The following ARB2A variants were observed in gnomAD, a reference collection of about 807,000 sequenced individuals.
ARB2A encodes cotranscriptional regulator ARB2A.
At chr5:93,816,982 A>G in the ARB2A span, among the ~76,000 whole-genome samples, 8 of 152,172 alleles carry the variant, frequency 5.3e-5, no homozygotes, top group African/African-American at 1.7e-4. Context: ...AAATATATAA[A>G]TTAATTAGAT....
chr5:93,667,567 A>G, the ARB2A span, among the ~76,000 whole-genome samples: 1 of 152,114 alleles, frequency 6.6e-6, no homozygotes, highest in Non-Finnish European at 1.5e-5. Flanking sequence ...GTGATCCTCC[A>G]GTCTCAGCCT....
chr5:94,038,352 AAAAT>A, the ARB2A span, among the ~76,000 whole-genome samples: 1 of 152,072 alleles, frequency 6.6e-6, no homozygotes, highest in South Asian at 2.1e-4. Context: ...CTAAAGTACT[AAAAT>A]GGTACTTTGA....
At chr5:94,106,270 C>T in the ARB2A span, among the ~76,000 whole-genome samples, 1 of 151,856 alleles carries the variant, frequency 6.6e-6, no homozygotes, top group African/African-American at 2.4e-5. Flanking sequence ...CTATAAGGAA[C>T]TTAAACAAAT....
At chr5:94,037,332 AAATTCTGGGCC>A in the ARB2A span, among the ~76,000 whole-genome samples, 1 of 152,200 alleles carries the variant, frequency 6.6e-6, no homozygotes, top group Non-Finnish European at 1.5e-5. Flanking sequence ...GTCTGCTAAC[AAATTCTGGGCC>A]AATGGTCATT....
chr5:93,962,430 C>A, the ARB2A span, among the ~76,000 whole-genome samples: 5 of 152,066 alleles, frequency 3.3e-5, no homozygotes, highest in Admixed American at 6.6e-5. Flanking sequence ...TAGGCATGAT[C>A]ATAATGTTTA....
At chr5:93,736,439 G>C in the ARB2A span, 2 of 152,214 alleles carry the variant, frequency 1.3e-5, no homozygotes, top group Non-Finnish European at 2.9e-5. Flanking sequence ...CCTGAAAGCT[G>C]AGCTACATCT....
At chr5:93,684,531 A>G in the ARB2A span, among the ~76,000 whole-genome samples, 1 of 152,228 alleles carries the variant, frequency 6.6e-6, no homozygotes, top group Non-Finnish European at 1.5e-5. Context: ...AGAGAAATGA[A>G]TCAATGAAGT....
chr5:93,847,465 A>G, the ARB2A span, among the ~76,000 whole-genome samples: 1 of 152,206 alleles, frequency 6.6e-6, no homozygotes, highest in Admixed American at 6.5e-5. Context: ...TGTATAGCAA[A>G]CATATCCTAG....
the ARB2A span, chr5:93,740,706 T>C: frequency 6.2e-7 from 1 of 1,613,572 alleles, no homozygotes; most frequent in Non-Finnish European, 8.5e-7. Context: ...CTGGTGCTCC[T>C]GGGCAAGGAG....
chr5:93,941,787 G>C, the ARB2A span, among the ~76,000 whole-genome samples: 1 of 152,124 alleles, frequency 6.6e-6, no homozygotes, highest in African/African-American at 2.4e-5. Context: ...ACCAGGTGCA[G>C]ACACAGGTAG....
chr5:93,857,520 T>A, the ARB2A span, among the ~76,000 whole-genome samples: 1 of 152,166 alleles, frequency 6.6e-6, no homozygotes, highest in Non-Finnish European at 1.5e-5. Context: ...TCGCTGTCAC[T>A]TTCCAGTTTG....
chr5:93,919,550 C>T, the ARB2A span, among the ~76,000 whole-genome samples: 2 of 152,112 alleles, frequency 1.3e-5, no homozygotes, highest in Non-Finnish European at 2.9e-5. Flanking sequence ...GGTAACATAT[C>T]TTAGGCAATT....
chr5:94,062,674 C>T, the ARB2A span, among the ~76,000 whole-genome samples: 1,355 of 152,222 alleles, frequency 8.9e-3, 21 homozygotes, highest in African/African-American at 0.032. Flanking sequence ...CTGAGCCATA[C>T]ACAACTCCTG....
At chr5:93,876,363 G>A in the ARB2A span, among the ~76,000 whole-genome samples, 1 of 152,048 alleles carries the variant, frequency 6.6e-6, no homozygotes, top group Non-Finnish European at 1.5e-5. Context: ...GATGTGTATT[G>A]CCTAGACCAA....
the ARB2A span, among the ~76,000 whole-genome samples, chr5:93,972,478 AAGAGAGAG>A: frequency 6.6e-6 from 1 of 152,048 alleles, no homozygotes; most frequent in East Asian, 1.9e-4. Context: ...AAAAAAAAAA[AAGAGAGAG>A]AGAAGTATCA....
the ARB2A span, among the ~76,000 whole-genome samples, chr5:94,058,602 T>C: frequency 6.6e-6 from 1 of 152,156 alleles, no homozygotes; most frequent in Admixed American, 6.5e-5. Flanking sequence ...CAAATATAAT[T>C]ACAGAAGATG....
chr5:94,071,462 C>T, the ARB2A span, among the ~76,000 whole-genome samples: 1 of 151,892 alleles, frequency 6.6e-6, no homozygotes, highest in Non-Finnish European at 1.5e-5. Flanking sequence ...AGACAAGCTA[C>T]AAACTGAGAG....
the ARB2A span, among the ~76,000 whole-genome samples, chr5:93,929,619 G>GA: frequency 5.5e-4 from 82 of 150,274 alleles, 1 homozygote; most frequent in African/African-American, 1.9e-3. Flanking sequence ...TTACAACTCA[G>GA]AAAAAAAAAT....
chr5:93,886,336 T>A, the ARB2A span, among the ~76,000 whole-genome samples: 1 of 151,720 alleles, frequency 6.6e-6, no homozygotes, highest in Non-Finnish European at 1.5e-5. Context: ...TATGGAACTA[T>A]CTGCTTTGGT....
Sources: allele counts gnomAD v4.1 joint callset (sites outside exome capture counted in the v4.1 genomes callset), GRCh38; gene constraint gnomAD v4.1.1; transcripts MANE v1.5; gene names NCBI Gene and HGNC (gene_info 2026-07-23, HGNC 2026-07-21).